IGF1R: variants seen among roughly 807,000 people sequenced by gnomAD.
IGF1R encodes the protein insulin-like growth factor 1 receptor.
In IGF1R, 44 loss-of-function variants were observed where a neutral mutation model predicts 144.6. The observed-to-expected ratio is 0.30, with a 90% CI of 0.24 to 0.39. The LOEUF (loss-of-function observed/expected upper bound fraction) is 0.39. IGF1R is among the 10% of genes least tolerant of loss of function. The pLI, the probability that IGF1R is intolerant of heterozygous loss-of-function variation, is 1.00. For missense variants in IGF1R, 1,355 were observed against 1,833.7 expected, an observed-to-expected ratio of 0.74 and a Z score of 4.77; for synonymous variants, 795 against 722.8, an observed-to-expected ratio of 1.10 and a Z score of -1.60.
chr15:98,714,902 C>T (rs1360049640), intron 2 of IGF1R, among the ~76,000 whole-genome samples: 1 of 152,146 alleles, frequency 6.6e-6, no homozygotes, highest in Non-Finnish European at 1.5e-5. Flanking sequence ...CTGCAGGCCA[C>T]TGTTCCCCAG....
chr15:98,764,378 A>G (rs756914005), intron 2 of IGF1R, among the ~76,000 whole-genome samples: 19 of 152,202 alleles, frequency 1.2e-4, no homozygotes, highest in Non-Finnish European at 2.2e-4. Flanking sequence ...AAGACAAGAA[A>G]GAGGGGAACT....
intron 2 of IGF1R, among the ~76,000 whole-genome samples, chr15:98,774,899 C>T (rs186517506): frequency 7.2e-5 from 11 of 152,168 alleles, no homozygotes; most frequent in Admixed American, 5.2e-4. Flanking sequence ...GAGTAGTACT[C>T]GACTCATTAT....
At chr15:98,816,480 G>A (rs1376656117) in intron 2 of IGF1R, among the ~76,000 whole-genome samples, 3 of 152,174 alleles carry the variant, frequency 2.0e-5, no homozygotes, top group Middle Eastern at 3.4e-3. Context: ...ACTCCCCATC[G>A]GCCCACCCCA....
At chr15:98,691,896 T>C (rs2053486019) in intron 1 of IGF1R, among the ~76,000 whole-genome samples, 1 of 152,220 alleles carries the variant, frequency 6.6e-6, no homozygotes. Context: ...ATTTGTATTT[T>C]TTGGCAGATG....
intron 2 of IGF1R, among the ~76,000 whole-genome samples, chr15:98,730,615 C>T (rs2054476300): frequency 6.6e-6 from 1 of 152,136 alleles, no homozygotes; most frequent in Non-Finnish European, 1.5e-5. Flanking sequence ...TGTTTCCCTC[C>T]TTCATGGCTA....
intron 2 of IGF1R, among the ~76,000 whole-genome samples, chr15:98,741,664 T>C (rs1192247234): frequency 6.6e-6 from 1 of 152,220 alleles, no homozygotes; most frequent in Non-Finnish European, 1.5e-5. Context: ...CTCCCGCATT[T>C]CTTCTTCTGT....
At chr15:98,901,787 T>C (rs956191879) in intron 5 of IGF1R, among the ~76,000 whole-genome samples, 45 of 152,128 alleles carry the variant, frequency 3.0e-4, no homozygotes, top group African/African-American at 1.0e-3. Flanking sequence ...TTGAAGGCTT[T>C]CGGGAAAAAC....
intron 1 of IGF1R, among the ~76,000 whole-genome samples, chr15:98,683,179 G>GTTC (rs1021252361): frequency 1.3e-5 from 2 of 151,986 alleles, no homozygotes; most frequent in Non-Finnish European, 2.9e-5. Flanking sequence ...CATCAAAAGG[G>GTTC]GTGGAATAGG....
intron 2 of IGF1R, among the ~76,000 whole-genome samples, chr15:98,805,878 G>A (rs1226300680): frequency 1.3e-5 from 2 of 152,236 alleles, no homozygotes; most frequent in East Asian, 3.9e-4. Context: ...CCAACTGGGG[G>A]CCTTACAATT....
chr15:98,855,643 C>A (rs1468970867), intron 2 of IGF1R, among the ~76,000 whole-genome samples: 1 of 152,172 alleles, frequency 6.6e-6, no homozygotes, highest in African/African-American at 2.4e-5. Flanking sequence ...AAAATTAGCT[C>A]TTTAATGTAT....
At position 98,960,985 on chromosome 15, in the gene IGF1R, G is replaced by C. The variant is rs1283370121; in HGVS notation, c.*3543G>C. ...GACGGCTCGCTCCCCTCTTCCAGCAGCTGCTCTTACAGGCACTGATGATTT... is the reference window on the plus strand; with the variant it reads ...GACGGCTCGCTCCCCTCTTCCAGCACCTGCTCTTACAGGCACTGATGATTT... On this transcript the variant is annotated 3_prime_UTR_variant, in exon 21 of 21. Coordinates refer to ENST00000650285, the MANE Select transcript of IGF1R (RefSeq NM_000875.5). The C allele has an allele frequency of 1.3e-5, 3 of 233,722 alleles. No homozygotes were observed. Among genetic ancestry groups the C allele is most frequent in the Non-Finnish European group, 2.5e-5 (3 of 118,144 alleles). 14.5% of individuals were successfully genotyped at this position (233,722 alleles called of 1,614,324 possible). A position where few individuals can be genotyped will look rare whatever the true frequency, so the allele number is the denominator to read the frequency against.
intron 2 of IGF1R, among the ~76,000 whole-genome samples, chr15:98,884,683 C>T (rs1376612488): frequency 1.2e-5 from 1 of 80,230 alleles, no homozygotes; most frequent in African/African-American, 5.1e-5. Flanking sequence ...CACTCCGTCT[C>T]AAAAAAAAAA....
In IGF1R at chr15:98,960,349, C is replaced by T. The variant is rs1423481451; in HGVS notation, c.*2907C>T. ...ACCAAGGTGTTAGATTTCTCCTCCT[C>T]CTAGCCAGGTGGCCCTGTGAGGCCA... On this transcript the variant is annotated 3_prime_UTR_variant, in exon 21 of 21. Transcript: ENST00000650285. The T allele has an allele frequency of 1.3e-5, 3 of 233,184 alleles. No individual in the cohort carries two copies. The highest frequency in any genetic ancestry group is 6.6e-5 in the African/African-American group (3 of 45,350). The allele number at this position is 233,184 out of a possible 1,614,324, so 14.4% of individuals were successfully genotyped here.
At chr15:98,798,994 G>C (rs2056306447) in intron 2 of IGF1R, among the ~76,000 whole-genome samples, 2 of 152,168 alleles carry the variant, frequency 1.3e-5, no homozygotes, top group African/African-American at 2.4e-5. Context: ...CACACAGTTA[G>C]GGACAAACTT....
At chr15:98,877,261 A>T (rs1233844136) in intron 2 of IGF1R, among the ~76,000 whole-genome samples, 6 of 152,206 alleles carry the variant, frequency 3.9e-5, no homozygotes, top group African/African-American at 1.4e-4. Context: ...CTGTGTTTAA[A>T]AAGCATGTAC....
rs779922726 is a variant in IGF1R at position 98,961,896 on chromosome 15, G to C, written c.*4454G>C. On this transcript the variant is annotated 3_prime_UTR_variant, in exon 21 of 21. Transcript: ENST00000650285. ...TTAAGATGCGGAGTCACATTTCAATGGTACGAAAAGTGGCTTCGTAAAATA... is the reference window on the plus strand; with the variant it reads ...TTAAGATGCGGAGTCACATTTCAATCGTACGAAAAGTGGCTTCGTAAAATA... 8.6e-6 allele frequency: 2 copies of C among 233,188 alleles called. No individual in the cohort carries two copies. Among genetic ancestry groups the C allele is most frequent in the South Asian group, 3.6e-4 (2 of 5,536 alleles). The allele number at this position is 233,188 out of a possible 1,614,324, so 14.4% of individuals were successfully genotyped here.
Position 98,879,376 on chromosome 15 carries a change from C to G in IGF1R, c.641-11949C>G, listed in dbSNP as rs1025954731. Among the ~76,000 whole-genome samples, 18 of 152,172 alleles carry G rather than the reference C, an allele frequency of 1.2e-4. 1 individual carries two copies. On this transcript the variant is annotated intron_variant, in intron 2 of 20. Transcript: ENST00000650285. ...TTTATTCCTTTGCTTTTTTCCCTTG[C>G]TGCCATCTAAGGAGGCTTTCTGTGC...
At chr15:98,721,261 G>A (rs2054240597) in intron 2 of IGF1R, among the ~76,000 whole-genome samples, 1 of 152,160 alleles carries the variant, frequency 6.6e-6, no homozygotes, top group African/African-American at 2.4e-5. Context: ...AGTGATGATG[G>A]TTTCTCTGTA....
At chr15:98,768,430 C>A (rs1031216656) in intron 2 of IGF1R, among the ~76,000 whole-genome samples, 2 of 151,270 alleles carry the variant, frequency 1.3e-5, no homozygotes, top group African/African-American at 4.9e-5. Flanking sequence ...TCCTGGCCAA[C>A]GTGGTGAAAC....
Sources: gnomAD v4.1 joint callset for allele counts (sites outside exome capture counted in the v4.1 genomes callset) on GRCh38, gnomAD v4.1.1 for gene constraint, MANE v1.5 for transcripts, NCBI Gene and HGNC (gene_info 2026-07-23, HGNC 2026-07-21) for gene names.